Variants in ETFA observed in about 807,000 individuals in gnomAD.
ETFA encodes the protein electron transfer flavoprotein subunit alpha, mitochondrial.
In ETFA, 22 loss-of-function variants were observed where a neutral mutation model predicts 46.2. That is an observed-to-expected ratio of 0.48 (90% confidence interval 0.34 to 0.68). ETFA has a LOEUF of 0.68. Among genes scored for constraint, ETFA ranks in the 30% least tolerant of loss-of-function variants. ETFA has a pLI of 0.01. For missense variants in ETFA, 345 were observed against 401.1 expected (o/e 0.86, Z 1.19); for synonymous variants, 131 against 139.9 (o/e 0.94, Z 0.45).
intron 8 of ETFA, among the ~76,000 whole-genome samples, chr15:76,279,787 G>A (rs1034409367): frequency 6.6e-6 from 1 of 151,844 alleles, no homozygotes; most frequent in Non-Finnish European, 1.5e-5. Context: ...CATAGCCTCT[G>A]CCCTGGTTAT....
chr15:76,273,262 G>C (rs4886789), intron 9 of ETFA, among the ~76,000 whole-genome samples: 8 of 152,034 alleles, frequency 5.3e-5, no homozygotes, highest in Non-Finnish European at 1.0e-4. Flanking sequence ...CAAATACTTC[G>C]AAACAAACTT....
chr15:76,235,865 C>T (rs1459774646), intron 9 of ETFA, among the ~76,000 whole-genome samples: 2 of 152,132 alleles, frequency 1.3e-5, no homozygotes, highest in Admixed American at 6.5e-5. Flanking sequence ...GCCATCTATC[C>T]CCATCTGTTC....
rs936902915 is a variant in ETFA at position 76,289,945 on chromosome 15, A to G, written c.352-2000T>C. Among the ~76,000 whole-genome samples the G allele has an allele frequency of 3.9e-5, 6 of 152,256 alleles. 1 individual carries two copies. Among genetic ancestry groups the G allele is most frequent in the Non-Finnish European group, 8.8e-5 (6 of 68,046 alleles). On this transcript the variant is annotated intron_variant, in intron 4 of 11. Transcript: ENST00000557943. ...CTAACACTCTGTTAGGTGAACTGTC[A>G]TCATAGAAGGAAACTCAAGGCTCAT...
In ETFA at chr15:76,274,514, G is replaced by T. The variant is rs2460160; in HGVS notation, c.734-20C>A. The T allele has an allele frequency of 1.4e-3, 2,232 of 1,591,882 alleles. 33 individuals are homozygous for T. The African/African-American group carries it at 0.025, about 18-fold the overall frequency. On this transcript the variant is annotated intron_variant, in intron 8 of 11. Coordinates refer to ENST00000557943, the MANE Select transcript of ETFA (RefSeq NM_000126.4). ...CACCAACTAAGGGGAAAAAATATTT[G>T]TCATTTTTTTCAAGCTCTATTATTC... is the stretch of plus-strand genomic sequence containing the variant.
chr15:76,280,678 G>A (rs1369801959), intron 8 of ETFA, among the ~76,000 whole-genome samples: 4 of 152,116 alleles, frequency 2.6e-5, no homozygotes, highest in African/African-American at 9.7e-5. Context: ...TCTCTACAAT[G>A]TCCTATAAGG....
chr15:76,261,142 A>C (rs1220260754), intron 9 of ETFA: 2 of 1,530,528 alleles, frequency 1.3e-6, no homozygotes, highest in East Asian at 4.6e-5. Flanking sequence ...TACATTTAAA[A>C]CAAATGGAGA....
intron 9 of ETFA, among the ~76,000 whole-genome samples, chr15:76,266,692 A>T (rs1483384992): frequency 1.3e-5 from 2 of 152,168 alleles, no homozygotes; most frequent in African/African-American, 2.4e-5. Context: ...TCATGAGGTC[A>T]GGAGATGGAG....
At chr15:76,273,583 A>C (rs1248403318) in intron 9 of ETFA, among the ~76,000 whole-genome samples, 1 of 151,774 alleles carries the variant, frequency 6.6e-6, no homozygotes, top group African/African-American at 2.4e-5. Context: ...AAAACAAAAC[A>C]AAAAAAACTT....
rs1474455938 is a variant in ETFA, at chr15:76,261,155, G to A, written c.816+13257C>T. 8 of 1,532,844 alleles carry A rather than the reference G, an allele frequency of 5.2e-6. 1 individual carries two copies. The South Asian group carries it at 6.8e-5, about 13-fold the overall frequency. 95.0% of individuals were successfully genotyped at this position (1,532,844 alleles called of 1,614,324 possible). A position where few individuals can be genotyped will look rare whatever the true frequency, so the allele number is the denominator to read the frequency against. On this transcript the variant is annotated intron_variant, in intron 9 of 11. Coordinates refer to ENST00000557943, the MANE Select transcript of ETFA (RefSeq NM_000126.4). ...GTTACATTTAAAACAAATGGAGAGG[G>A]AGCAGGTCCCCCGATCTTCGTAGTT...
chr15:76,286,349 A>C, intron 6 of ETFA, 22 bp downstream of exon 6: 1 of 1,465,234 alleles, frequency 6.8e-7, no homozygotes, highest in Non-Finnish European at 9.5e-7. Context: ...ACAAAACAAA[A>C]AAACTCCAAA....
At chr15:76,262,474 CTTTTTTTTTTTTTT>C (rs60480510) in intron 9 of ETFA, among the ~76,000 whole-genome samples, 2 of 84,688 alleles carry the variant, frequency 2.4e-5, no homozygotes, top group Non-Finnish European at 4.3e-5. Context: ...ATCAAACCCC[CTTTTTTTTTTTTTT>C]TTTTTTTTTT....
intron 10 of ETFA, among the ~76,000 whole-genome samples, chr15:76,228,428 C>G (rs2039027863): frequency 6.6e-6 from 1 of 152,160 alleles, no homozygotes; most frequent in Non-Finnish European, 1.5e-5. Flanking sequence ...TCAAGTGATC[C>G]TCCTGCCTTG....
Position 76,232,464 on chromosome 15 carries a change from C to T in ETFA, c.817-1066G>A, listed in dbSNP as rs139130827. Among the ~76,000 whole-genome samples the T allele has an allele frequency of 4.3e-4, 65 of 152,254 alleles. 2 individuals carry two copies. In the East Asian group the frequency reaches 0.013, roughly 29 times the overall value. Reference sequence around the variant, plus strand: ...TGTCACAACTGACAGTAAAGTCTCTCCTCAATATGAATAATATGTGGAAGG... The same window carrying T: ...TGTCACAACTGACAGTAAAGTCTCTTCTCAATATGAATAATATGTGGAAGG... On this transcript the variant is annotated intron_variant, in intron 9 of 11. Transcript: ENST00000557943.
chr15:76,226,132 T>A lies in ETFA; in HGVS notation c.883-203A>T, dbSNP rs2039001580. ...TTCTCTCTTACCCACATCTAGCCCATCTCAGTATTAAAGAGTTTAAAATCA... is the reference window on the plus strand; with the variant it reads ...TTCTCTCTTACCCACATCTAGCCCAACTCAGTATTAAAGAGTTTAAAATCA... On this transcript the variant is annotated intron_variant, in intron 10 of 11. Transcript: ENST00000557943. 5 of 556,882 alleles carry A rather than the reference T, an allele frequency of 9.0e-6. No homozygotes were observed. In the South Asian group the frequency reaches 1.1e-4, roughly 13 times the overall value. The allele number at this position is 556,882 out of a possible 1,614,324, so 34.5% of individuals were successfully genotyped here.
chr15:76,261,108 ATGGGTGCTC>A (rs1567207021), intron 9 of ETFA: 1 of 1,518,774 alleles, frequency 6.6e-7, no homozygotes, highest in African/African-American at 1.4e-5. Context: ...ACAGGAAAAC[ATGGGTGCTC>A]TGGGTCACCC....
In ETFA at chr15:76,260,564, C is replaced by G. The variant is rs571189191; in HGVS notation, c.816+13848G>C. Reference sequence around the variant, plus strand: ...GGCCCTTTTGGGGATCCCAGCCTGTCAAATTGGCCCTGGTCCCCTCCATTG... The same window carrying G: ...GGCCCTTTTGGGGATCCCAGCCTGTGAAATTGGCCCTGGTCCCCTCCATTG... On this transcript the variant is annotated intron_variant, in intron 9 of 11. Transcript: ENST00000557943. 8 of 1,496,258 alleles carry G rather than the reference C, an allele frequency of 5.3e-6. No homozygotes were observed. In the Admixed American group the frequency reaches 1.4e-4, roughly 27 times the overall value. 92.7% of individuals were successfully genotyped at this position (1,496,258 alleles called of 1,614,324 possible). A position where few individuals can be genotyped will look rare whatever the true frequency, so the allele number is the denominator to read the frequency against.
Position 76,311,464 on chromosome 15 carries a change from C to A in ETFA, c.-76G>T. ...CAACTGGCGCCGCCTCAGCCAGTCA[C>A]CTAATGCTCGCGAGACGCGCGAACG... On this transcript the variant is annotated 5_prime_UTR_variant, in exon 1 of 12. Coordinates refer to ENST00000557943, the MANE Select transcript of ETFA (RefSeq NM_000126.4). 1 of 1,519,634 alleles carries A rather than the reference C, an allele frequency of 6.6e-7. No homozygotes were observed. Among genetic ancestry groups the A allele is most frequent in the South Asian group, 1.2e-5 (1 of 83,570 alleles). The allele number at this position is 1,519,634 out of a possible 1,614,324, so 94.1% of individuals were successfully genotyped here. A position where few individuals can be genotyped will look rare whatever the true frequency, so the allele number is the denominator to read the frequency against.
intron 9 of ETFA, among the ~76,000 whole-genome samples, chr15:76,258,031 A>AG (rs1166642513): frequency 2.8e-4 from 7 of 24,782 alleles, no homozygotes; most frequent in East Asian, 3.1e-3. Context: ...GGGTGGGGGG[A>AG]GGGGGGGAGG....
chr15:76,311,223 C>G (rs1417358779), intron 1 of ETFA, 127 bp downstream of exon 1: 1 of 1,129,736 alleles, frequency 8.9e-7, no homozygotes, highest in Admixed American at 2.1e-5. Context: ...AAGTCCCAGG[C>G]GGGGACCGGC....
Sources: allele counts gnomAD v4.1 joint callset (sites outside exome capture counted in the v4.1 genomes callset), GRCh38; gene constraint gnomAD v4.1.1; transcripts MANE v1.5; gene names NCBI Gene and HGNC (gene_info 2026-07-23, HGNC 2026-07-21).